Variants in SLC27A2 observed in about 807,000 individuals in gnomAD.
The protein encoded by SLC27A2 is solute carrier family 27 member 2, also known as long-chain fatty acid transport protein 2.
SLC27A2 carries 54 observed loss-of-function variants against 60.0 expected under a neutral mutation model. The ratio of observed to expected loss-of-function variants is 0.90; its 90% CI spans 0.72 to 1.13. The LOEUF is 1.13. Ranked by LOEUF, SLC27A2 falls within the 50% of genes most tolerant of loss-of-function variation. The probability of loss-of-function intolerance (pLI) is 0.00; values close to 1 mark genes in which losing one functional copy is unlikely to be tolerated. For synonymous variants in SLC27A2, 297 were observed against 297.6 expected (o/e 1.00, Z 0.02); for missense variants, 739 against 777.6 (o/e 0.95, Z 0.59).
At chr15:50,232,007 A>T (rs2045319664) in intron 8 of SLC27A2, among the ~76,000 whole-genome samples, 1 of 152,256 alleles carries the variant, frequency 6.6e-6, no homozygotes, top group African/African-American at 2.4e-5. Flanking sequence ...GAAAGATTAG[A>T]GATAAATTCT....
rs139762913 is a variant in SLC27A2 at position 50,182,867 on chromosome 15, T to C, written c.440T>C (p.Phe147Ser). 6.6e-5 allele frequency: 106 copies of C among 1,612,314 alleles called. No homozygotes were observed. Among genetic ancestry groups the C allele is most frequent in the Non-Finnish European group, 8.7e-5 (103 of 1,179,742 alleles). ...NIRAKSLLHC[F>S]QCCGAKVLLV... is the part of the protein sequence containing the mutation. ...CGCGCGAAGTCCCTGCTGCACTGCT[T>C]CCAGTGCTGCGGGGCGAAGGTGCTG... The change falls in exon 1 of 10, where the codon TTC (phenylalanine) becomes TCC (serine). Residue 147 changes from phenylalanine to serine, a missense_variant. By Grantham distance (155) the Phe-to-Ser change is radical (BLOSUM62 -2). Transcript: ENST00000267842.
chr15:50,196,083 T>TAAAAAAA (rs2045019550), intron 1 of SLC27A2, among the ~76,000 whole-genome samples: 2 of 4,760 alleles, frequency 4.2e-4, no homozygotes, highest in Non-Finnish European at 3.4e-4. Flanking sequence ...AAAAAATATA[T>TAAAAAAA]ATATATATAT....
rs1410708338 is a variant in SLC27A2 at position 50,196,078 on chromosome 15, ATATAT to A, written c.479-1421_479-1417del. ...CAAAAAAAAAAAAAAAAAAAAAAAA[ATATAT>A]ATATATATATATATATATATATATA... On this transcript the variant is annotated intron_variant, in intron 1 of 9. Coordinates refer to ENST00000267842, the MANE Select transcript of SLC27A2 (RefSeq NM_003645.4). Among the ~76,000 whole-genome samples the A allele has an allele frequency of 9.4e-3, 73 of 7,798 alleles. 7 individuals are homozygous for A. The highest frequency in any genetic ancestry group is 0.012 in the Non-Finnish European group (59 of 4,952). The allele number at this position is 7,798 out of a possible 152,430, so 5.1% of individuals were successfully genotyped here.
chr15:50,229,172 A>G lies in SLC27A2; in HGVS notation c.1555+130A>G. On this transcript the variant is annotated intron_variant, in intron 8 of 9. Coordinates refer to ENST00000267842, the MANE Select transcript of SLC27A2 (RefSeq NM_003645.4). ...CAGTTCTTTCAGCTGCCAGGGAGTA[A>G]GGAGCTTATGTCTGGCTTATGTTCC... 4 of 630,004 alleles carry G rather than the reference A, an allele frequency of 6.3e-6. No individual in the cohort carries two copies. In the South Asian group the frequency reaches 8.2e-5, roughly 13 times the overall value. The allele number at this position is 630,004 out of a possible 1,614,324, so 39.0% of individuals were successfully genotyped here.
In SLC27A2 at chr15:50,235,999, A is replaced by C. The variant is rs1164062723; in HGVS notation, c.1766A>C (p.Lys589Thr). Reference sequence around the variant, plus strand: ...GAGGGCTTTAACCCTGCTGTCATCAAAGATGCCTTGTATTTCTTGGATGAC... The same window carrying C: ...GAGGGCTTTAACCCTGCTGTCATCACAGATGCCTTGTATTTCTTGGATGAC... ...VEEGFNPAVIKDALYFLDDTA... is the reference protein window; with the variant it reads ...VEEGFNPAVITDALYFLDDTA... The change falls in exon 10 of 10, where the codon AAA becomes ACA. Residue 589 changes from lysine (K) to threonine (T), a missense_variant. Transcript: ENST00000267842. 7 of 1,614,050 alleles carry C rather than the reference A, an allele frequency of 4.3e-6. No individual in the cohort carries two copies. The highest frequency in any genetic ancestry group is 1.7e-5 in the Admixed American group (1 of 60,008).
At chr15:50,227,279 T>C (rs1398710906) in intron 7 of SLC27A2, 101 bp downstream of exon 7, 1 of 882,408 alleles carries the variant, frequency 1.1e-6, no homozygotes, top group Non-Finnish European at 1.8e-6. Context: ...CATTTCCTTC[T>C]CTATCTTTGG....
intron 1 of SLC27A2, among the ~76,000 whole-genome samples, chr15:50,190,309 C>G (rs1045203776): frequency 2.0e-5 from 3 of 152,216 alleles, no homozygotes; most frequent in Non-Finnish European, 2.9e-5. Flanking sequence ...AATCTTCAAG[C>G]TTGACTTGCT....
intron 1 of SLC27A2, among the ~76,000 whole-genome samples, chr15:50,188,963 GTAGATAGATAGATAGATAAATAGATAGA>G (rs1199386024): frequency 1.3e-4 from 19 of 144,602 alleles, no homozygotes; most frequent in African/African-American, 1.8e-4. Flanking sequence ...GTCTAGATAG[GTAGATAGATAGATAGATAAATAGATAGA>G]TAGATAGATA....
intron 7 of SLC27A2, among the ~76,000 whole-genome samples, chr15:50,227,390 A>G (rs1398121905): frequency 6.6e-6 from 1 of 152,248 alleles, no homozygotes; most frequent in East Asian, 1.9e-4. Flanking sequence ...ACACCAGATG[A>G]GAATAAGGCA....
At chr15:50,203,063 CTG>C (rs946995378) in intron 3 of SLC27A2, among the ~76,000 whole-genome samples, 1 of 150,890 alleles carries the variant, frequency 6.6e-6, no homozygotes. Context: ...TGGCTCAAGT[CTG>C]TAGTCCCAGC....
intron 4 of SLC27A2, among the ~76,000 whole-genome samples, chr15:50,207,230 C>A (rs1302656805): frequency 1.3e-5 from 2 of 152,138 alleles, no homozygotes; most frequent in Non-Finnish European, 2.9e-5. Context: ...TCCACATATA[C>A]ACATGCACAC....
intron 1 of SLC27A2, among the ~76,000 whole-genome samples, chr15:50,196,544 C>A (rs2045025229): frequency 1.3e-5 from 2 of 152,042 alleles, no homozygotes; most frequent in African/African-American, 4.8e-5. Context: ...GAAAATGATG[C>A]TTAGAGAGGT....
chr15:50,232,855 T>G (rs1317494104), intron 8 of SLC27A2, among the ~76,000 whole-genome samples: 1 of 152,120 alleles, frequency 6.6e-6, no homozygotes, highest in African/African-American at 2.4e-5. Flanking sequence ...TTGCCTTCTT[T>G]AGAGCTATAG....
At chr15:50,231,123 A>G (rs1312113715) in intron 8 of SLC27A2, among the ~76,000 whole-genome samples, 1 of 151,880 alleles carries the variant, frequency 6.6e-6, no homozygotes, top group East Asian at 1.9e-4. Context: ...AGTGTGTAAA[A>G]TACCACTGAA....
chr15:50,205,275 G>C lies in SLC27A2; in HGVS notation c.884G>C (p.Ser295Thr). 6.2e-7 allele frequency: 1 copy of C among 1,606,940 alleles called. No individual in the cohort carries two copies. Among genetic ancestry groups the C allele is most frequent in the Non-Finnish European group, 8.5e-7 (1 of 1,175,546 alleles). ...TLALRTKFSA[S>T]QFWDDCRKYN... ...GCCTTGCGGACTAAATTTTCAGCCA[G>C]CCAGTTTTGGGATGACTGCAGAAAA... The change falls in exon 4 of 10, where the codon AGC becomes ACC. Residue 295 changes from serine (S) to threonine (T), a missense_variant. Physicochemically the swap from Ser to Thr is moderately conservative, Grantham distance 58. Transcript: ENST00000267842.
rs369562703 is a variant in SLC27A2 at position 50,203,020 on chromosome 15, A to AAATATAT, written c.847+376_847+377insATATATA. On this transcript the variant is annotated intron_variant, in intron 3 of 9. Coordinates refer to ENST00000267842, the MANE Select transcript of SLC27A2 (RefSeq NM_003645.4). ...CATAGCAAACCTCATCTCTAAAAAA[A>AAATATAT]ATATATATATATATATATATAGCCA... Among the ~76,000 whole-genome samples, 68 of 147,796 alleles carry AAATATAT rather than the reference A, an allele frequency of 4.6e-4. 1 individual carries two copies. In the South Asian group the frequency reaches 7.2e-3, roughly 16 times the overall value.
At position 50,182,717 on chromosome 15, in the gene SLC27A2, A is replaced by G. The variant is rs1483986123; in HGVS notation, c.290A>G (p.Asp97Gly). 3 of 1,613,850 alleles carry G rather than the reference A, an allele frequency of 1.9e-6. No homozygotes were observed. In the South Asian group the frequency reaches 3.3e-5, roughly 18 times the overall value. ...RSNQVARALH[D>G]HLGLRQGDCV... is the part of the protein sequence containing the mutation. Reference sequence around the variant, plus strand: ...AATCAAGTGGCCCGGGCGCTGCACGACCACCTCGGCCTGCGCCAGGGAGAC... The same window carrying G: ...AATCAAGTGGCCCGGGCGCTGCACGGCCACCTCGGCCTGCGCCAGGGAGAC... Residue 97 changes from aspartate to glycine, a missense_variant, in exon 1 of 10, where the codon GAC (aspartate) becomes GGC (glycine). Physicochemically the swap from Asp to Gly is moderately conservative, Grantham distance 94 (BLOSUM62 -1). Coordinates refer to ENST00000267842, the MANE Select transcript of SLC27A2 (RefSeq NM_003645.4).
chr15:50,233,753 C>A, intron 8 of SLC27A2, 115 bp from the exon 9 acceptor site: 1 of 864,858 alleles, frequency 1.2e-6, no homozygotes, highest in Non-Finnish European at 1.7e-6. Flanking sequence ...ATAAAAATTC[C>A]AGCTATCCAA....
intron 4 of SLC27A2, among the ~76,000 whole-genome samples, chr15:50,213,906 A>G (rs1171547903): frequency 6.6e-6 from 1 of 152,118 alleles, no homozygotes; most frequent in Middle Eastern, 3.2e-3. Flanking sequence ...AAGAAACTAG[A>G]GAAACAAGAA....
Sources: gnomAD v4.1 joint callset for allele counts (sites outside exome capture counted in the v4.1 genomes callset) on GRCh38, gnomAD v4.1.1 for gene constraint, MANE v1.5 for transcripts, NCBI Gene and HGNC (gene_info 2026-07-23, HGNC 2026-07-21) for gene names.